JAM2: variants seen among roughly 807,000 people sequenced by gnomAD.
The protein encoded by JAM2 is junctional adhesion molecule B.
JAM2 carries 17 observed loss-of-function variants against 42.0 expected under a neutral mutation model. The ratio of observed to expected loss-of-function variants is 0.40; its 90% confidence interval spans 0.28 to 0.61. JAM2 has a LOEUF of 0.61. JAM2 is among the 20% of genes least tolerant of loss of function. JAM2 has a pLI of 0.37. For missense variants in JAM2, 319 were observed against 358.3 expected (o/e 0.89, Z 0.89); for synonymous variants, 118 against 128.6 (o/e 0.92, Z 0.56).
intron 6 of JAM2, among the ~76,000 whole-genome samples, chr21:25,703,781 A>AC (rs1555872081): frequency 6.0e-5 from 9 of 150,628 alleles, no homozygotes; most frequent in South Asian, 2.1e-4. Flanking sequence ...AAAAAAAAAA[A>AC]CACAAAATAT....
At chr21:25,645,037 C>T (rs973960635) in intron 1 of JAM2, among the ~76,000 whole-genome samples, 2 of 152,154 alleles carry the variant, frequency 1.3e-5, no homozygotes, top group Non-Finnish European at 2.9e-5. Context: ...CCCACCACCA[C>T]GCCCACCTAA....
chr21:25,716,290 T>C lies in JAM2; in HGVS notation c.*1618T>C, dbSNP rs529827634. ...GGATTATAGGCATGAGCCACTGCAC[T>C]GGGCAGGTTAATCTTCTTTCAAAAG... On this transcript the variant is annotated 3_prime_UTR_variant, in exon 10 of 10. Coordinates refer to ENST00000480456, the MANE Select transcript of JAM2 (RefSeq NM_021219.4). The C allele has an allele frequency of 1.3e-5, 2 of 152,340 alleles. No homozygotes were observed. Among genetic ancestry groups the C allele is most frequent in the African/African-American group, 4.8e-5 (2 of 41,568 alleles). 9.4% of individuals were successfully genotyped at this position (152,340 alleles called of 1,614,324 possible).
At chr21:25,705,779 A>C (rs1439332536) in intron 6 of JAM2, among the ~76,000 whole-genome samples, 200 bp from the exon 7 acceptor site, 1 of 152,196 alleles carries the variant, frequency 6.6e-6, no homozygotes, top group South Asian at 2.1e-4. Flanking sequence ...TATTTTTCCA[A>C]AGCTTAAGTT....
chr21:25,656,284 G>C (rs1373880686), intron 1 of JAM2, among the ~76,000 whole-genome samples: 1 of 152,080 alleles, frequency 6.6e-6, no homozygotes, highest in Admixed American at 6.6e-5. Context: ...CCACCCCCAG[G>C]CTCCTTCTAA....
At chr21:25,663,054 G>A (rs1056583390) in intron 1 of JAM2, among the ~76,000 whole-genome samples, 1 of 152,216 alleles carries the variant, frequency 6.6e-6, no homozygotes, top group Non-Finnish European at 1.5e-5. Flanking sequence ...GTTAAGTCAG[G>A]TGTTAAATAA....
At chr21:25,709,686 G>A in intron 8 of JAM2, 1 of 355,190 alleles carries the variant, frequency 2.8e-6, no homozygotes, top group Non-Finnish European at 5.2e-6. Flanking sequence ...TCACGGTTCT[G>A]CAAGCTGTAC....
chr21:25,705,948 A>C (rs1446471207), intron 6 of JAM2, 31 bp from the exon 7 acceptor site: 1 of 1,413,948 alleles, frequency 7.1e-7, no homozygotes, highest in Admixed American at 1.7e-5. Context: ...TAATCCACAT[A>C]TATTTATGCG....
intron 1 of JAM2, among the ~76,000 whole-genome samples, chr21:25,640,806 C>CTT (rs1167774034): frequency 2.2e-5 from 3 of 138,770 alleles, no homozygotes; most frequent in Non-Finnish European, 4.6e-5. Context: ...CTTTCTCTTT[C>CTT]TTCTTTCTTT....
chr21:25,668,903 G>A (rs904822393), intron 1 of JAM2, among the ~76,000 whole-genome samples: 1 of 152,072 alleles, frequency 6.6e-6, no homozygotes, highest in Non-Finnish European at 1.5e-5. Flanking sequence ...AGGGTGTGAT[G>A]GATTGTGTCA....
intron 1 of JAM2, among the ~76,000 whole-genome samples, chr21:25,640,967 T>A (rs1030281765): frequency 2.0e-5 from 3 of 152,238 alleles, no homozygotes; most frequent in Non-Finnish European, 4.4e-5. Context: ...ACGCCCTCGC[T>A]GCCCAAGTGA....
At chr21:25,694,372 C>G (rs2033950321) in intron 4 of JAM2, among the ~76,000 whole-genome samples, 1 of 152,104 alleles carries the variant, frequency 6.6e-6, no homozygotes, top group Non-Finnish European at 1.5e-5. Flanking sequence ...TATGTTAGCC[C>G]TTTTCACATA....
chr21:25,698,747 T>G lies in JAM2; in HGVS notation c.465T>G (p.Cys155Trp). Residue 155 changes from cysteine (C) to tryptophan (W), a missense_variant, in exon 5 of 10, where the codon TGT becomes TGG. By Grantham distance (215) the Cys-to-Trp change is radical. Transcript: ENST00000480456. ...ALSGTVVELRCQDKEGNPAPE... is the reference protein window; with the variant it reads ...ALSGTVVELRWQDKEGNPAPE... Reference sequence around the variant, plus strand: ...GTGGAACTGTGGTAGAGCTACGATGTCAAGACAAAGAAGGGAATCCAGCTC... The same window carrying G: ...GTGGAACTGTGGTAGAGCTACGATGGCAAGACAAAGAAGGGAATCCAGCTC... 6.2e-7 allele frequency: 1 copy of G among 1,614,146 alleles called. No individual in the cohort carries two copies. Among genetic ancestry groups the G allele is most frequent in the South Asian group, 1.1e-5 (1 of 91,082 alleles).
rs747577274 is a variant in JAM2, at chr21:25,639,712, C to G, written c.-110C>G. On this transcript the variant is annotated 5_prime_UTR_variant, in exon 1 of 10. Transcript: ENST00000480456. ...GCCGTCCCTCCTCTTCCTCCCCTCC[C>G]GACTCTCTGCTCCTTTCCCGCCCCA... The G allele has an allele frequency of 4.9e-4, 327 of 664,236 alleles. No homozygotes were observed. The highest frequency in any genetic ancestry group is 7.6e-4 in the Non-Finnish European group (298 of 391,034). 41.1% of individuals were successfully genotyped at this position (664,236 alleles called of 1,614,324 possible).
intron 6 of JAM2, among the ~76,000 whole-genome samples, chr21:25,702,817 A>G (rs1364179407): frequency 6.6e-6 from 1 of 152,054 alleles, no homozygotes; most frequent in Non-Finnish European, 1.5e-5. Context: ...CTTTATTCAC[A>G]TACGTCCCCA....
intron 1 of JAM2, among the ~76,000 whole-genome samples, chr21:25,641,482 T>G (rs531067320): frequency 6.6e-6 from 1 of 152,316 alleles, no homozygotes; most frequent in Non-Finnish European, 1.5e-5. Context: ...TTGTCTCTGC[T>G]AAACTTGATT....
At chr21:25,711,192 G>C (rs2034376099) in intron 8 of JAM2, among the ~76,000 whole-genome samples, 1 of 152,166 alleles carries the variant, frequency 6.6e-6, no homozygotes, top group Admixed American at 6.5e-5. Flanking sequence ...TATTTGATAT[G>C]CTTATTTGAT....
chr21:25,711,189 T>C (rs1288793238), intron 8 of JAM2, among the ~76,000 whole-genome samples: 1 of 152,182 alleles, frequency 6.6e-6, no homozygotes, highest in Non-Finnish European at 1.5e-5. Flanking sequence ...TAATATTTGA[T>C]ATGCTTATTT....
At chr21:25,645,502 G>A (rs939762348) in intron 1 of JAM2, among the ~76,000 whole-genome samples, 1 of 152,166 alleles carries the variant, frequency 6.6e-6, no homozygotes, top group Non-Finnish European at 1.5e-5. Flanking sequence ...GGATTGGGGT[G>A]GGGGGAGTCA....
At chr21:25,709,068 G>A (rs184345935) in intron 7 of JAM2, among the ~76,000 whole-genome samples, 1 of 152,058 alleles carries the variant, frequency 6.6e-6, no homozygotes, top group African/African-American at 2.4e-5. Context: ...CCCCAATTAA[G>A]AGAAATGTTA....
Sources: gnomAD v4.1 joint callset for allele counts (sites outside exome capture counted in the v4.1 genomes callset) on GRCh38, gnomAD v4.1.1 for gene constraint, MANE v1.5 for transcripts, NCBI Gene and HGNC (gene_info 2026-07-23, HGNC 2026-07-21) for gene names.